The following ODF2L variants were observed in gnomAD, a reference collection of about 807,000 sequenced individuals.
The protein encoded by ODF2L is outer dense fiber of sperm tails 2 like.
In ODF2L, 76 loss-of-function variants were observed where a neutral mutation model predicts 86.3. The ratio of observed to expected loss-of-function variants is 0.88; its 90% CI spans 0.73 to 1.07. The LOEUF is 1.07. Ranked by LOEUF, ODF2L falls within the 50% of genes least tolerant of loss-of-function variation. The probability of loss-of-function intolerance (pLI) is 0.00; values close to 1 mark genes in which losing one functional copy is unlikely to be tolerated. For missense variants in ODF2L, 748 were observed against 717.4 expected, an observed-to-expected ratio of 1.04 and a Z score of -0.49; for synonymous variants, 241 against 231.3, an observed-to-expected ratio of 1.04 and a Z score of -0.38.
At chr1:86,368,668 G>C in exon 11 of ODF2L, 1 of 1,448,394 alleles carries the variant, frequency 6.9e-7, no homozygotes, top group Non-Finnish European at 9.2e-7. Context: ...AGCATATCAA[G>C]AACAATCAAA....
chr1:86,384,554 G>T, intron 4 of ODF2L, 122 bp downstream of exon 4: 1 of 574,418 alleles, frequency 1.7e-6, no homozygotes, highest in Non-Finnish European at 2.6e-6. Flanking sequence ...ATTAATGACT[G>T]ACAAAATTCA....
chr1:86,368,718 C>A, exon 11 of ODF2L: 1 of 1,444,916 alleles, frequency 6.9e-7, no homozygotes, highest in Non-Finnish European at 9.2e-7. Context: ...ACATGGGAAT[C>A]TAAGCTAAAG....
intron 11 of ODF2L, among the ~76,000 whole-genome samples, chr1:86,361,824 C>G (rs1423691095): frequency 2.0e-5 from 3 of 152,130 alleles, no homozygotes; most frequent in Admixed American, 6.5e-5. Context: ...AATATGTTCA[C>G]TAGTTACTTT....
chr1:86,381,964 A>C, intron 7 of ODF2L: 1 of 228,434 alleles, frequency 4.4e-6, no homozygotes. Flanking sequence ...TCCACAGTAA[A>C]TATAAATTAA....
chr1:86,394,434 A>G (rs944849786), intron 1 of ODF2L, among the ~76,000 whole-genome samples: 6 of 151,300 alleles, frequency 4.0e-5, no homozygotes, highest in Non-Finnish European at 5.9e-5. Context: ...AAGCCATGAG[A>G]TACTAAAACA....
intron 7 of ODF2L, 43 bp downstream of exon 7, chr1:86,382,199 T>G (rs1329235650): frequency 1.6e-5 from 24 of 1,515,868 alleles, no homozygotes; most frequent in Non-Finnish European, 1.8e-5. Context: ...TTCATTAATT[T>G]TATCACTTAA....
chr1:86,371,625 T>C (rs373217004), intron 9 of ODF2L, among the ~76,000 whole-genome samples: 6 of 151,860 alleles, frequency 4.0e-5, no homozygotes, highest in East Asian at 3.9e-4. Context: ...ATATTCAGGG[T>C]TCATTATAGT....
chr1:86,364,353 A>T lies in ODF2L; in HGVS notation c.1144-3817T>A, dbSNP rs896986242. ...CACAAAGATAGGAGTTTACAAGGAG[A>T]GATTCATTGAGAAGACTTTGGGAGG... On this transcript the variant is annotated intron_variant, in intron 11 of 17. Transcript: ENST00000317336. Among the ~76,000 whole-genome samples the T allele has an allele frequency of 1.4e-4, 22 of 152,302 alleles. No individual in the cohort carries two copies. The Middle Eastern group carries it at 0.02, about 141-fold the overall frequency.
At position 86,376,566 on chromosome 1, in the gene ODF2L, A is replaced by G. The variant is rs574697302; in HGVS notation, c.625-148T>C. 1.9e-5 allele frequency: 9 copies of G among 485,570 alleles called. No individual in the cohort carries two copies. In the East Asian group the frequency reaches 2.4e-4, roughly 13 times the overall value. The allele number at this position is 485,570 out of a possible 1,614,324, so 30.1% of individuals were successfully genotyped here. ...AAATACCCTAGACTGAGTAATTTATAAAGGAAAGAAGTTTAATTGACTCAC... is the reference window on the plus strand; with the variant it reads ...AAATACCCTAGACTGAGTAATTTATGAAGGAAAGAAGTTTAATTGACTCAC... On this transcript the variant is annotated intron_variant, in intron 7 of 17. Coordinates refer to ENST00000317336, the Ensembl canonical transcript of ODF2L.
At chr1:86,364,874 TA>T (rs1659295195) in intron 11 of ODF2L, among the ~76,000 whole-genome samples, 2 of 152,308 alleles carry the variant, frequency 1.3e-5, no homozygotes, top group Admixed American at 6.5e-5. Context: ...CTATCTTACT[TA>T]AGCCATTTAA....
intron 7 of ODF2L, 79 bp from the exon 8 acceptor site, chr1:86,376,497 C>T: frequency 1.1e-6 from 1 of 871,010 alleles, no homozygotes; most frequent in Non-Finnish European, 1.8e-6. Flanking sequence ...ATGTACATAA[C>T]TGATATGGTT....
At chr1:86,350,031 T>G (rs1658016567), downstream of ODF2L, 1 of 428,490 alleles carries the variant, frequency 2.3e-6, no homozygotes, top group African/African-American at 2.1e-5. Context: ...TCAGCAATGT[T>G]TAAATCTATG....
At chr1:86,353,554 T>C (rs1658306631) in intron 16 of ODF2L, among the ~76,000 whole-genome samples, 1 of 152,198 alleles carries the variant, frequency 6.6e-6, no homozygotes, top group Non-Finnish European at 1.5e-5. Flanking sequence ...AGGAATCAGA[T>C]ATGTTTCCTT....
At chr1:86,389,564 G>GAAAA (rs66716003) in intron 1 of ODF2L, among the ~76,000 whole-genome samples, 3 of 122,014 alleles carry the variant, frequency 2.5e-5, no homozygotes, top group African/African-American at 6.1e-5. Context: ...AAATGAAACT[G>GAAAA]AAAAAAAAAA....
At chr1:86,361,683 TAAAAC>T (rs2100865390) in intron 11 of ODF2L, among the ~76,000 whole-genome samples, 1 of 152,162 alleles carries the variant, frequency 6.6e-6, no homozygotes, top group East Asian at 1.9e-4. Context: ...ATTAGAAAAA[TAAAAC>T]AAATATAAGA....
At chr1:86,347,099 C>T (rs556533230), downstream of ODF2L, 19 of 152,318 alleles carry the variant, frequency 1.2e-4, no homozygotes, top group East Asian at 2.5e-3. Context: ...AGTGGGAAAA[C>T]GGCTCTGTAC....
intron 14 of ODF2L, chr1:86,356,107 A>C (rs1475259630): frequency 1.1e-5 from 2 of 190,002 alleles, no homozygotes; most frequent in African/African-American, 2.4e-5. Context: ...AATTTTTGTA[A>C]TGTAAGTTTC....
At chr1:86,349,488 T>C (rs1000416816), downstream of ODF2L, 2 of 152,056 alleles carry the variant, frequency 1.3e-5, no homozygotes, top group Non-Finnish European at 2.9e-5. Context: ...GACACCTAGA[T>C]AGAAAAGAGA....
chr1:86,360,306 T>C (rs1394776465), intron 12 of ODF2L, 120 bp downstream of exon 11: 2 of 560,940 alleles, frequency 3.6e-6, no homozygotes, highest in African/African-American at 3.9e-5. Context: ...AGACACACCA[T>C]ATTATAACCC....
Sources: gnomAD v4.1 joint callset for allele counts (sites outside exome capture counted in the v4.1 genomes callset) on GRCh38, gnomAD v4.1.1 for gene constraint, MANE v1.5 for transcripts, NCBI Gene and HGNC (gene_info 2026-07-23, HGNC 2026-07-21) for gene names.